Variants in NAPA observed in about 807,000 individuals in gnomAD.
NAPA encodes alpha-soluble NSF attachment protein.
In NAPA, 18 loss-of-function variants were observed where a neutral mutation model predicts 48.0. The ratio of observed to expected loss-of-function variants is 0.38; its 90% CI spans 0.26 to 0.56. NAPA has a LOEUF of 0.56. Among genes scored for constraint, NAPA ranks in the 20% least tolerant of loss-of-function variants. NAPA has a pLI of 0.77. For missense variants in NAPA, 315 were observed against 385.0 expected, an observed-to-expected ratio of 0.82 and a Z score of 1.52; for synonymous variants, 152 against 149.9, an observed-to-expected ratio of 1.01 and a Z score of -0.10.
intron 3 of NAPA, among the ~76,000 whole-genome samples, chr19:47,497,928 C>A (rs1413478656): frequency 6.6e-6 from 1 of 152,224 alleles, no homozygotes; most frequent in African/African-American, 2.4e-5. Flanking sequence ...TGCCCCCACC[C>A]CCAACTATCA....
chr19:47,513,142 T>C (rs1968836970), intron 1 of NAPA, among the ~76,000 whole-genome samples: 1 of 149,260 alleles, frequency 6.7e-6, no homozygotes, highest in Non-Finnish European at 1.5e-5. Flanking sequence ...CACCGCCCCC[T>C]GCCAAACTCC....
At chr19:47,487,407 G>A (rs1333056369), downstream of NAPA, among the ~76,000 whole-genome samples, 4 of 152,294 alleles carry the variant, frequency 2.6e-5, no homozygotes, top group African/African-American at 4.8e-5. Context: ...CAAGAACCCA[G>A]AGAAAGATCA....
chr19:47,508,305 G>A (rs1183638008), intron 1 of NAPA, among the ~76,000 whole-genome samples: 1 of 152,232 alleles, frequency 6.6e-6, no homozygotes, highest in Non-Finnish European at 1.5e-5. Flanking sequence ...GGAGCTGCCA[G>A]AGGCTCAGCA....
downstream of NAPA, among the ~76,000 whole-genome samples, chr19:47,486,054 T>C (rs1198023209): frequency 6.6e-6 from 1 of 152,148 alleles, no homozygotes; most frequent in Non-Finnish European, 1.5e-5. Flanking sequence ...TATGAAGTTT[T>C]AACAAAACAA....
chr19:47,493,110 G>A lies in NAPA; in HGVS notation c.476+9C>T. 6.2e-7 allele frequency: 1 copy of A among 1,613,874 alleles called. No individual in the cohort carries two copies. ...CCTGCGGGGCTGGGGCAGGCAGGAA[G>A]GGGGCTACCTGTTGGACTCCTCGCC... On this transcript the variant is annotated intron_variant, in intron 6 of 10. Transcript: ENST00000263354. This position sits in a 1 kb window ranked among gnomAD's most constrained non-coding sequence, Gnocchi z 6.4.
At chr19:47,500,849 T>C in intron 2 of NAPA, 100 bp from the exon 3 acceptor site, 1 of 889,498 alleles carries the variant, frequency 1.1e-6, no homozygotes, top group Non-Finnish European at 1.7e-6. Flanking sequence ...CTCTCGAGAA[T>C]GCGGAAAGAG....
intron 2 of NAPA, among the ~76,000 whole-genome samples, chr19:47,501,931 C>CA (rs1968586360): frequency 6.6e-6 from 1 of 152,072 alleles, no homozygotes; most frequent in African/African-American, 2.4e-5. Flanking sequence ...TCATTATTTT[C>CA]AAGAGTTCCA....
chr19:47,509,030 C>T (rs1266052835), intron 1 of NAPA, among the ~76,000 whole-genome samples: 1 of 151,900 alleles, frequency 6.6e-6, no homozygotes, highest in South Asian at 2.1e-4. Context: ...GAGCTATGAT[C>T]GCGCCACTGC....
At chr19:47,487,100 C>T (rs1968094770), downstream of NAPA, among the ~76,000 whole-genome samples, 4 of 152,150 alleles carry the variant, frequency 2.6e-5, no homozygotes, top group South Asian at 8.3e-4. Context: ...TGGTTTCTGC[C>T]CACCTTTCCT....
downstream of NAPA, among the ~76,000 whole-genome samples, chr19:47,487,336 G>A (rs1054502310): frequency 1.3e-5 from 2 of 152,166 alleles, no homozygotes; most frequent in South Asian, 4.1e-4. Flanking sequence ...CCTCCCACTG[G>A]CTCTGAGGGG....
At chr19:47,486,907 C>T (rs1599884531), downstream of NAPA, among the ~76,000 whole-genome samples, 2 of 152,362 alleles carry the variant, frequency 1.3e-5, no homozygotes, top group Non-Finnish European at 2.9e-5. Context: ...GTTTCCTAGG[C>T]AGCCCCTCCT....
rs1345253545 is a variant in NAPA at position 47,506,027 on chromosome 19, C to T, written c.99-2525G>A. Among the ~76,000 whole-genome samples, 1 of 128,018 alleles carries T rather than the reference C, an allele frequency of 7.8e-6. No individual in the cohort carries two copies. The highest frequency in any genetic ancestry group is 3.1e-5 in the African/African-American group (1 of 32,702). 84.0% of individuals were successfully genotyped at this position (128,018 alleles called of 152,430 possible). On this transcript the variant is annotated intron_variant, in intron 1 of 10. Transcript: ENST00000263354. The surrounding 1 kb of genome is among the most constrained non-coding windows in gnomAD (Gnocchi z 4.0). ...TTTTTTTTTTTTTGAGATGGAGTTT[C>T]GCTCTTGTCGCCCAGGCTGGAGTAC...
intron 7 of NAPA, chr19:47,492,746 A>C: frequency 1.5e-6 from 1 of 682,922 alleles, no homozygotes; most frequent in Non-Finnish European, 2.7e-6. Flanking sequence ...ACAGCCAGGG[A>C]GAGAGACGGT....
At chr19:47,501,605 T>C (rs778524337) in intron 2 of NAPA, 3 of 152,372 alleles carry the variant, frequency 2.0e-5, no homozygotes, top group Admixed American at 6.5e-5. Flanking sequence ...CCAGTGCCCA[T>C]GGGCGGAGGG....
intron 1 of NAPA, among the ~76,000 whole-genome samples, chr19:47,504,445 A>G: frequency 6.6e-6 from 1 of 151,852 alleles, no homozygotes; most frequent in East Asian, 1.9e-4. Flanking sequence ...AAATAATAGA[A>G]ACATACATGT....
At chr19:47,501,486 T>C (rs1325836644) in intron 2 of NAPA, 1 of 152,198 alleles carries the variant, frequency 6.6e-6, no homozygotes, top group East Asian at 1.9e-4. Context: ...TTGCATGAAT[T>C]GTGAGGCTCA....
rs200788948 is a variant in NAPA at position 47,492,004 on chromosome 19, G to C, written c.666+11C>G. On this transcript the variant is annotated intron_variant, in intron 8 of 10. Transcript: ENST00000263354. ...CTGGTGCGGTGGTCCTGCGGGCGTG[G>C]GGTGTGCTACCTTGGCGTTGAGCAT... The C allele has an allele frequency of 1.2e-6, 2 of 1,611,808 alleles. No individual in the cohort carries two copies. The highest frequency in any genetic ancestry group is 2.7e-5 in the African/African-American group (2 of 74,894).
intron 9 of NAPA, 40 bp downstream of exon 9, chr19:47,490,748 G>C: frequency 6.3e-7 from 1 of 1,589,480 alleles, no homozygotes; most frequent in Non-Finnish European, 8.6e-7. Flanking sequence ...ACCCCCGTCT[G>C]AGGTTCGGGA....
intron 7 of NAPA, 54 bp downstream of exon 7, chr19:47,492,907 G>A (rs763441535): frequency 2.6e-6 from 4 of 1,560,966 alleles, no homozygotes; most frequent in Non-Finnish European, 2.7e-6. Flanking sequence ...TTAGGAGGAG[G>A]CACAGGCCCT....
Sources: gnomAD v4.1 joint callset for allele counts (sites outside exome capture counted in the v4.1 genomes callset) on GRCh38, gnomAD v4.1.1 for gene constraint, Gnocchi (gnomAD v3.1) non-coding constraint, MANE v1.5 for transcripts, NCBI Gene and HGNC (gene_info 2026-07-23, HGNC 2026-07-21) for gene names.